The following FGGY variants were observed in gnomAD, a reference collection of about 807,000 sequenced individuals.
The protein encoded by FGGY is FGGY carbohydrate kinase domain containing.
Under a neutral mutation model 71.3 loss-of-function variants are expected in FGGY, and 72 were observed. That is an observed-to-expected ratio of 1.01 (90% CI 0.84 to 1.23). The LOEUF is 1.23. FGGY is among the 50% of genes most tolerant of loss of function. The pLI is 0.00. For synonymous variants in FGGY, 251 were observed against 250.3 expected (o/e 1.00, Z -0.02); for missense variants, 668 against 682.3 (o/e 0.98, Z 0.23).
chr1:59,598,178 C>G (rs943601651), intron 8 of FGGY, among the ~76,000 whole-genome samples: 2 of 152,230 alleles, frequency 1.3e-5, no homozygotes, highest in Non-Finnish European at 2.9e-5. Flanking sequence ...GCACACAGCT[C>G]TCAGAGCTTT....
intron 5 of FGGY, among the ~76,000 whole-genome samples, chr1:59,437,753 A>G (rs1013858086): frequency 6.6e-6 from 1 of 152,354 alleles, no homozygotes; most frequent in South Asian, 2.1e-4. Flanking sequence ...GTCACTAAAT[A>G]CATGAATATT....
rs191492063 is a variant in FGGY at position 59,498,250 on chromosome 1, A to G, written c.671-14061A>G. On this transcript the variant is annotated intron_variant, in intron 6 of 15. Transcript: ENST00000303721. ...AATGAGGAGAAGTAGGCTGGCGAGTAGCTTGCCCAAAGTCATTCAACTCAG... is the reference window on the plus strand; with the variant it reads ...AATGAGGAGAAGTAGGCTGGCGAGTGGCTTGCCCAAAGTCATTCAACTCAG... Among the ~76,000 whole-genome samples, 17 of 152,330 alleles carry G rather than the reference A, an allele frequency of 1.1e-4. No homozygotes were observed. In the East Asian group the frequency reaches 2.5e-3, roughly 22 times the overall value.
At chr1:59,511,443 C>A (rs1013523906) in intron 6 of FGGY, among the ~76,000 whole-genome samples, 2 of 150,082 alleles carry the variant, frequency 1.3e-5, no homozygotes, top group African/African-American at 5.1e-5. Flanking sequence ...ACTATAGAAT[C>A]CTTGGGGGAT....
chr1:59,594,220 A>G (rs2096492407), intron 8 of FGGY, among the ~76,000 whole-genome samples: 1 of 152,124 alleles, frequency 6.6e-6, no homozygotes, highest in Non-Finnish European at 1.5e-5. Flanking sequence ...TGTTGTTTGT[A>G]TCTTACCAGG....
chr1:59,561,181 G>A (rs1375773531), intron 8 of FGGY, among the ~76,000 whole-genome samples: 2 of 152,180 alleles, frequency 1.3e-5, no homozygotes, highest in Non-Finnish European at 2.9e-5. Context: ...TACCAGAGGG[G>A]TGGAGTGGGA....
At chr1:59,330,796 T>G (rs1015227430) in intron 2 of FGGY, among the ~76,000 whole-genome samples, 3 of 151,960 alleles carry the variant, frequency 2.0e-5, no homozygotes, top group Non-Finnish European at 4.4e-5. Context: ...AGGCTAGAAT[T>G]GACGATACAG....
At chr1:59,437,252 A>G (rs1200231403) in intron 5 of FGGY, among the ~76,000 whole-genome samples, 1 of 152,128 alleles carries the variant, frequency 6.6e-6, no homozygotes, top group East Asian at 1.9e-4. Context: ...GTTCTGCTAG[A>G]TTGGTGTTTG....
At chr1:59,353,544 A>G (rs893127600) in intron 4 of FGGY, among the ~76,000 whole-genome samples, 3 of 152,200 alleles carry the variant, frequency 2.0e-5, no homozygotes, top group South Asian at 2.1e-4. Context: ...TGTAATACCA[A>G]TTCCAAAGGC....
Position 59,591,126 on chromosome 1 carries a change from G to A in FGGY, c.904-16677G>A, listed in dbSNP as rs547297275. On this transcript the variant is annotated intron_variant, in intron 8 of 15. Coordinates refer to ENST00000303721, the MANE Select transcript of FGGY (RefSeq NM_018291.5). ...CAAAATCAATGTGCAAAAATCACAA[G>A]CATTCTTATACACCAATAACAGACA... 9.2e-5 allele frequency among the ~76,000 whole-genome samples: 14 copies of A among 151,584 alleles called. No homozygotes were observed. In the East Asian group the frequency reaches 2.1e-3, roughly 23 times the overall value.
intron 12 of FGGY, among the ~76,000 whole-genome samples, chr1:59,664,195 T>A (rs1230116150): frequency 6.6e-6 from 1 of 152,252 alleles, no homozygotes; most frequent in Non-Finnish European, 1.5e-5. Context: ...AATAGCCTAA[T>A]TTTAATTTAA....
chr1:59,384,187 C>G (rs533031497), intron 5 of FGGY, among the ~76,000 whole-genome samples: 1 of 152,234 alleles, frequency 6.6e-6, no homozygotes, highest in South Asian at 2.1e-4. Flanking sequence ...ACTCATGACT[C>G]ATTCTATTTT....
chr1:59,585,212 G>A (rs2096263924), intron 8 of FGGY, among the ~76,000 whole-genome samples: 1 of 152,150 alleles, frequency 6.6e-6, no homozygotes, highest in South Asian at 2.1e-4. Context: ...ACATTGCCAA[G>A]TCAATCCTAA....
At chr1:59,519,577 G>A (rs772573750) in intron 7 of FGGY, among the ~76,000 whole-genome samples, 12 of 152,058 alleles carry the variant, frequency 7.9e-5, no homozygotes, top group Non-Finnish European at 1.3e-4. Flanking sequence ...TATTTTTTGC[G>A]ACTTTTAAAC....
chr1:59,482,385 A>C (rs781115678), intron 6 of FGGY, among the ~76,000 whole-genome samples: 15 of 152,158 alleles, frequency 9.9e-5, no homozygotes, highest in Non-Finnish European at 2.2e-4. Flanking sequence ...AACCTCAAGC[A>C]CAATTATATG....
At chr1:59,514,984 C>T (rs2094605866) in intron 7 of FGGY, among the ~76,000 whole-genome samples, 1 of 152,292 alleles carries the variant, frequency 6.6e-6, no homozygotes, top group Non-Finnish European at 1.5e-5. Context: ...GTAACAAGCT[C>T]ATAGAGGGAA....
intron 7 of FGGY, among the ~76,000 whole-genome samples, chr1:59,548,267 T>C (rs1486780237): frequency 6.6e-6 from 1 of 152,090 alleles, no homozygotes; most frequent in Admixed American, 6.5e-5. Context: ...AGTAAACAAA[T>C]GCTTAGTGGC....
chr1:59,561,126 A>T (rs1014710594), intron 8 of FGGY, among the ~76,000 whole-genome samples: 1 of 152,204 alleles, frequency 6.6e-6, no homozygotes, highest in African/African-American at 2.4e-5. Flanking sequence ...AAGTGGGACC[A>T]GTTTCTCTGT....
At chr1:59,316,998 C>T (rs531079131) in intron 1 of FGGY, among the ~76,000 whole-genome samples, 2 of 152,162 alleles carry the variant, frequency 1.3e-5, no homozygotes, top group South Asian at 2.1e-4. Context: ...TTTGGAGTCA[C>T]ACTGACTTAG....
chr1:59,482,953 G>C (rs1423210986), intron 6 of FGGY, among the ~76,000 whole-genome samples: 13 of 151,976 alleles, frequency 8.6e-5, no homozygotes, highest in Non-Finnish European at 1.5e-5. Flanking sequence ...GAACCACCTG[G>C]GGGGATTCTT....
Sources: allele counts gnomAD v4.1 joint callset (sites outside exome capture counted in the v4.1 genomes callset), GRCh38; gene constraint gnomAD v4.1.1; transcripts MANE v1.5; gene names NCBI Gene and HGNC (gene_info 2026-07-23, HGNC 2026-07-21).